The following FANCM variants were observed in gnomAD, a reference collection of about 807,000 sequenced individuals.
FANCM encodes Fanconi anemia group M protein.
FANCM carries 140 observed loss-of-function variants against 199.5 expected under a neutral mutation model. The ratio of observed to expected loss-of-function variants is 0.70; its 90% CI spans 0.61 to 0.81. FANCM has a LOEUF of 0.81. Ranked by LOEUF, FANCM falls within the 30% of genes least tolerant of loss-of-function variation. The pLI is 0.00. For missense variants in FANCM, 2,410 were observed against 2,421.4 expected (o/e 1.00, Z 0.10); for synonymous variants, 840 against 836.8 (o/e 1.00, Z -0.07).
chr14:45,167,442 T>G (rs547767334), intron 11 of FANCM: 1 of 382,804 alleles, frequency 2.6e-6, no homozygotes. Context: ...GAAAACAGTT[T>G]TATTTTTTAA....
chr14:45,164,239 G>A, intron 9 of FANCM, 120 bp from the exon 10 acceptor site: 1 of 837,518 alleles, frequency 1.2e-6, no homozygotes, highest in Non-Finnish European at 2.0e-6. Flanking sequence ...GCTGTGGCCA[G>A]CCTTGAGGCT....
At chr14:45,151,172 A>C (rs2139159195) in intron 4 of FANCM, among the ~76,000 whole-genome samples, 1 of 152,320 alleles carries the variant, frequency 6.6e-6, no homozygotes, top group South Asian at 2.1e-4. Flanking sequence ...GTGTTGTTAA[A>C]TTACAGTTGT....
At chr14:45,160,872 C>T (rs944702353) in intron 9 of FANCM, among the ~76,000 whole-genome samples, 7 of 152,134 alleles carry the variant, frequency 4.6e-5, no homozygotes, top group African/African-American at 1.4e-4. Flanking sequence ...GCCCTCACTA[C>T]ACCGAGAAGC....
chr14:45,153,992 C>T lies in FANCM; in HGVS notation c.1123C>T (p.Gln375Ter), dbSNP rs1486766153. Residue 375 changes from glutamine to a stop codon, truncating the protein, a stop_gained, in exon 6 of 23, where the codon CAG (glutamine) becomes TAG (stop). Coordinates refer to ENST00000267430, the MANE Select transcript of FANCM (RefSeq NM_020937.4). LOFTEE classifies it high-confidence loss of function. Reference protein sequence around the residue: ...ISLYHGYELLQQMGMRSLYFF... With the variant: ...ISLYHGYELL ...TTTATATCATGGTTATGAATTATTG[C>T]AGCAAATGGGAATGAGATCATTATA... The T allele has an allele frequency of 1.3e-6, 2 of 1,589,834 alleles. No homozygotes were observed. The highest frequency in any genetic ancestry group is 1.7e-6 in the Non-Finnish European group (2 of 1,158,114).
At chr14:45,186,370 A>G (rs562218350) in intron 18 of FANCM, among the ~76,000 whole-genome samples, 134 of 152,354 alleles carry the variant, frequency 8.8e-4, no homozygotes, top group African/African-American at 3.1e-3. Flanking sequence ...CAGTGTGTTC[A>G]TCCAATGCTT....
chr14:45,164,487 T>G lies in FANCM; in HGVS notation c.1710T>G (p.Leu570=). ...CFDSQKSPIR[L]VQRMGRTGRK... ...ATTCCCAGAAGAGCCCAATTCGTCT[T>G]GTACAACGAATGGGTAGAACTGGCC... Residue 570 remains leucine (L), a synonymous_variant, in exon 10 of 23, where the codon CTT becomes CTG. Coordinates refer to ENST00000267430, the MANE Select transcript of FANCM (RefSeq NM_020937.4). 2 of 1,613,754 alleles carry G rather than the reference T, an allele frequency of 1.2e-6. No homozygotes were observed. The highest frequency in any genetic ancestry group is 1.7e-6 in the Non-Finnish European group (2 of 1,180,006).
At chr14:45,138,695 T>C (rs770878698) in intron 2 of FANCM, among the ~76,000 whole-genome samples, 8 of 152,236 alleles carry the variant, frequency 5.3e-5, no homozygotes, top group Non-Finnish European at 7.3e-5. Context: ...GTAATTATTT[T>C]ATTTTCAAAA....
At chr14:45,150,852 A>G (rs1486805990) in intron 4 of FANCM, among the ~76,000 whole-genome samples, 1 of 152,210 alleles carries the variant, frequency 6.6e-6, no homozygotes, top group East Asian at 1.9e-4. Flanking sequence ...AGCAGTGACA[A>G]ATAAAGTCTT....
In FANCM at chr14:45,140,655, T is replaced by C. The variant is rs567726889; in HGVS notation, c.705T>C (p.Tyr235=). The change falls in exon 3 of 23, where the codon TAT becomes TAC. Residue 235 remains tyrosine (Y), a synonymous_variant. Coordinates refer to ENST00000267430, the MANE Select transcript of FANCM (RefSeq NM_020937.4). ...YCQVVRELVK[Y]TNHFRILALS... ...AGGTTGTAAGAGAACTAGTCAAATA[T>C]ACAAATCACTTTAGAATCTTGGCTC... 3.1e-6 allele frequency: 5 copies of C among 1,600,894 alleles called. No homozygotes were observed. The highest frequency in any genetic ancestry group is 1.3e-5 in the African/African-American group (1 of 74,782).
chr14:45,138,662 A>G (rs919261665), intron 2 of FANCM, among the ~76,000 whole-genome samples: 14 of 152,228 alleles, frequency 9.2e-5, no homozygotes, highest in African/African-American at 3.4e-4. Context: ...AACTGTATGG[A>G]ATACGTTTTG....
At chr14:45,143,038 G>A (rs1886087307) in intron 3 of FANCM, among the ~76,000 whole-genome samples, 1 of 151,852 alleles carries the variant, frequency 6.6e-6, no homozygotes, top group African/African-American at 2.4e-5. Context: ...GCATTAATTT[G>A]AATTCTTCTG....
chr14:45,161,515 A>G (rs1257314388), intron 9 of FANCM, among the ~76,000 whole-genome samples: 1 of 152,204 alleles, frequency 6.6e-6, no homozygotes, highest in Non-Finnish European at 1.5e-5. Flanking sequence ...ACTGTGGCTC[A>G]TGACTGTAAT....
chr14:45,151,257 C>T, intron 4 of FANCM, 140 bp from the exon 5 acceptor site: 1 of 675,036 alleles, frequency 1.5e-6, no homozygotes, highest in South Asian at 1.9e-5. Context: ...TAAATGTTAT[C>T]ATTGCTGAGT....
intron 17 of FANCM, among the ~76,000 whole-genome samples, chr14:45,184,555 G>A (rs1408000118): frequency 2.6e-5 from 4 of 151,370 alleles, no homozygotes; most frequent in African/African-American, 7.3e-5. Context: ...CCAGCTACTC[G>A]GGAGGCTGAG....
At position 45,198,871 on chromosome 14, in the gene FANCM, A is replaced by G. The variant is rs1890216260; in HGVS notation, c.5944A>G (p.Ile1982Val). The G allele has an allele frequency of 6.2e-7, 1 of 1,611,616 alleles. No individual in the cohort carries two copies. ...ALQFYLSIPN[I>V]SYITALNMCH... Reference sequence around the variant, plus strand: ...CCAGTTTTATTTAAGTATTCCCAATATAAGTTATATAACTGCATTAAATAT... The same window carrying G: ...CCAGTTTTATTTAAGTATTCCCAATGTAAGTTATATAACTGCATTAAATAT... Residue 1982 changes from isoleucine (I) to valine (V), a missense_variant, in exon 22 of 23, where the codon ATA becomes GTA. By Grantham distance (29) the Ile-to-Val change is conservative. Transcript: ENST00000267430.
intron 2 of FANCM, among the ~76,000 whole-genome samples, chr14:45,138,637 A>T (rs539971921): frequency 5.9e-5 from 9 of 152,320 alleles, no homozygotes; most frequent in Admixed American, 3.9e-4. Context: ...ACACTTAAAA[A>T]TTTTTTAAAA....
At chr14:45,143,854 C>T (rs1049806722) in intron 3 of FANCM, among the ~76,000 whole-genome samples, 11 of 151,702 alleles carry the variant, frequency 7.3e-5, no homozygotes, top group Admixed American at 7.2e-4. Context: ...CCACCATGCT[C>T]AGCTAATTTT....
chr14:45,200,400 A>G lies in FANCM; in HGVS notation c.*392A>G, dbSNP rs1191404724. On this transcript the variant is annotated 3_prime_UTR_variant, in exon 23 of 23. Transcript: ENST00000267430. Reference sequence around the variant, plus strand: ...ACTTGTCGATTTTCCCTATGTGTAGATAGTATACTTTTAAGTGTACTGATT... The same window carrying G: ...ACTTGTCGATTTTCCCTATGTGTAGGTAGTATACTTTTAAGTGTACTGATT... 1 of 156,614 alleles carries G rather than the reference A, an allele frequency of 6.4e-6. No individual in the cohort carries two copies. Among genetic ancestry groups the G allele is most frequent in the Non-Finnish European group, 1.4e-5 (1 of 71,798 alleles). The allele number at this position is 156,614 out of a possible 1,614,324, so 9.7% of individuals were successfully genotyped here.
chr14:45,170,465 A>T (rs1167708027), intron 11 of FANCM, 124 bp from the exon 12 acceptor site: 1 of 649,116 alleles, frequency 1.5e-6, no homozygotes, highest in Non-Finnish European at 2.7e-6. Context: ...GTTTGAGGTT[A>T]CAGTGAGTTA....
Sources: gnomAD v4.1 joint callset for allele counts (sites outside exome capture counted in the v4.1 genomes callset) on GRCh38, gnomAD v4.1.1 for gene constraint, MANE v1.5 for transcripts, NCBI Gene and HGNC (gene_info 2026-07-23, HGNC 2026-07-21) for gene names.